The following NUBPL variants were observed in gnomAD, a reference collection of about 807,000 sequenced individuals.
The protein encoded by NUBPL is iron-sulfur cluster transfer protein NUBPL.
A neutral mutation model predicts 45.7 loss-of-function variants in NUBPL; 31 were observed. The ratio of observed to expected loss-of-function variants is 0.68; its 90% CI spans 0.51 to 0.92. The LOEUF (loss-of-function observed/expected upper bound fraction) is 0.92. Ranked by LOEUF, NUBPL falls within the 40% of genes least tolerant of loss-of-function variation. The pLI, the probability that NUBPL is intolerant of heterozygous loss-of-function variation, is 0.00. For missense variants in NUBPL, 401 were observed against 398.7 expected (o/e 1.01, Z -0.05); for synonymous variants, 144 against 140.9 (o/e 1.02, Z -0.15).
chr14:31,775,183 C>T (rs1247923210), intron 6 of NUBPL, among the ~76,000 whole-genome samples: 3 of 152,082 alleles, frequency 2.0e-5, no homozygotes, highest in Non-Finnish European at 4.4e-5. Context: ...TTTGGGAGGC[C>T]GAGGTGGGCG....
chr14:31,595,376 A>G (rs546728872), intron 3 of NUBPL, among the ~76,000 whole-genome samples: 1 of 152,242 alleles, frequency 6.6e-6, no homozygotes, highest in South Asian at 2.1e-4. Flanking sequence ...GGTGACATTA[A>G]AGATGACAAT....
chr14:31,721,430 T>G (rs1366588750), intron 6 of NUBPL, among the ~76,000 whole-genome samples: 4 of 152,198 alleles, frequency 2.6e-5, no homozygotes, highest in Admixed American at 2.6e-4. Context: ...TTGAGCTGGC[T>G]TAGTATATGG....
At chr14:31,625,409 T>C (rs2035178862) in intron 4 of NUBPL, among the ~76,000 whole-genome samples, 1 of 152,066 alleles carries the variant, frequency 6.6e-6, no homozygotes, top group South Asian at 2.1e-4. Context: ...TGAGTATCTC[T>C]AGCCTAGTAC....
intron 4 of NUBPL, among the ~76,000 whole-genome samples, chr14:31,653,673 G>A (rs910504889): frequency 1.3e-5 from 2 of 152,132 alleles, no homozygotes; most frequent in African/African-American, 2.4e-5. Context: ...GTACAATAGT[G>A]GTCCTGAGGT....
intron 6 of NUBPL, among the ~76,000 whole-genome samples, chr14:31,736,447 C>G (rs2038167531): frequency 6.6e-6 from 1 of 152,088 alleles, no homozygotes; most frequent in Non-Finnish European, 1.5e-5. Context: ...TTAGTTTTGC[C>G]TGCCCTTGAA....
At chr14:31,616,425 C>T (rs2139616111) in intron 4 of NUBPL, among the ~76,000 whole-genome samples, 1 of 152,120 alleles carries the variant, frequency 6.6e-6, no homozygotes, top group Admixed American at 6.5e-5. Flanking sequence ...AGTCTTTAAT[C>T]CATCTTGAGT....
intron 4 of NUBPL, among the ~76,000 whole-genome samples, chr14:31,640,232 C>T (rs2035646336): frequency 3.3e-5 from 5 of 152,082 alleles, no homozygotes; most frequent in Admixed American, 3.3e-4. Context: ...TCTTGGCTGC[C>T]CTCCGACAAA....
At chr14:31,786,089 T>C (rs1176557293) in intron 6 of NUBPL, among the ~76,000 whole-genome samples, 3 of 151,930 alleles carry the variant, frequency 2.0e-5, no homozygotes, top group Admixed American at 6.6e-5. Context: ...GCCCAGGAGG[T>C]TGAGGTTGTA....
At chr14:31,737,930 T>A (rs913632848) in intron 6 of NUBPL, among the ~76,000 whole-genome samples, 1 of 152,228 alleles carries the variant, frequency 6.6e-6, no homozygotes, top group African/African-American at 2.4e-5. Flanking sequence ...ATTTATTCTT[T>A]CTTTGGAAAT....
Position 31,669,797 on chromosome 14 carries a change from G to GTTTT in NUBPL, c.383-3550_383-3547dup, listed in dbSNP as rs1211411877. Among the ~76,000 whole-genome samples the GTTTT allele has an allele frequency of 3.0e-3, 204 of 68,626 alleles. 12 individuals carry two copies. The highest frequency in any genetic ancestry group is 3.7e-3 in the Non-Finnish European group (149 of 40,102). The allele number at this position is 68,626 out of a possible 152,430, so 45.0% of individuals were successfully genotyped here. ...TCTTCCTGCAAAAGACATGATCTTG[G>GTTTT]TTTTTTTTTTTGTTTTTTTTTTTTT... On this transcript the variant is annotated intron_variant, in intron 4 of 10. Coordinates refer to ENST00000281081, the MANE Select transcript of NUBPL (RefSeq NM_025152.3).
chr14:31,699,453 A>G (rs1173485751), intron 6 of NUBPL, among the ~76,000 whole-genome samples: 1 of 152,240 alleles, frequency 6.6e-6, no homozygotes. Flanking sequence ...ATGTACTATT[A>G]CTATTATTTT....
At chr14:31,761,215 G>T (rs1459090855) in intron 6 of NUBPL, among the ~76,000 whole-genome samples, 2 of 152,034 alleles carry the variant, frequency 1.3e-5, no homozygotes, top group African/African-American at 2.4e-5. Flanking sequence ...GTCTCACTCT[G>T]TTGCCCATTC....
At position 31,859,248 on chromosome 14, in the gene NUBPL, G is replaced by A. The variant is rs2040674433; in HGVS notation, c.*68G>A. 8.9e-7 allele frequency: 1 copy of A among 1,117,724 alleles called. No individual in the cohort carries two copies. The highest frequency in any genetic ancestry group is 1.4e-6 in the Non-Finnish European group (1 of 728,770). The allele number at this position is 1,117,724 out of a possible 1,614,324, so 69.2% of individuals were successfully genotyped here. ...AGGACCTTTGGAAATCAGCAATGTG[G>A]TGATGGAACCTACAGAAATAATAGA... On this transcript the variant is annotated 3_prime_UTR_variant, in exon 11 of 11. Transcript: ENST00000281081.
intron 6 of NUBPL, among the ~76,000 whole-genome samples, chr14:31,782,642 CATT>C (rs1566559249): frequency 6.6e-6 from 1 of 151,732 alleles, no homozygotes; most frequent in Non-Finnish European, 1.5e-5. Flanking sequence ...AATAGAAAAA[CATT>C]AGCCAATTGT....
At chr14:31,685,489 T>C (rs2036931603) in intron 6 of NUBPL, among the ~76,000 whole-genome samples, 1 of 151,106 alleles carries the variant, frequency 6.6e-6, no homozygotes, top group South Asian at 2.1e-4. Flanking sequence ...TAAGGAGGAG[T>C]GGTATATTAA....
intron 3 of NUBPL, 88 bp from the exon 4 acceptor site, chr14:31,599,201 C>G (rs780586513): frequency 4.2e-6 from 4 of 956,502 alleles, no homozygotes; most frequent in Non-Finnish European, 6.6e-6. Flanking sequence ...ATTACTGTTG[C>G]TATATGCTTC....
intron 6 of NUBPL, among the ~76,000 whole-genome samples, chr14:31,728,604 A>G (rs2037977990): frequency 6.6e-6 from 1 of 152,212 alleles, no homozygotes; most frequent in Non-Finnish European, 1.5e-5. Flanking sequence ...AGTAATATCA[A>G]TTTAGAAGGG....
At chr14:31,708,910 A>G (rs1282370328) in intron 6 of NUBPL, among the ~76,000 whole-genome samples, 1 of 152,118 alleles carries the variant, frequency 6.6e-6, no homozygotes, top group Non-Finnish European at 1.5e-5. Flanking sequence ...TCATTGGACA[A>G]TCTTTTTTAA....
intron 4 of NUBPL, among the ~76,000 whole-genome samples, chr14:31,615,528 A>G (rs1444532397): frequency 6.6e-6 from 1 of 151,964 alleles, no homozygotes; most frequent in African/African-American, 2.4e-5. Flanking sequence ...ACTCCCACTT[A>G]TGAGTGAGAA....
Sources: allele counts gnomAD v4.1 joint callset (sites outside exome capture counted in the v4.1 genomes callset), GRCh38; gene constraint gnomAD v4.1.1; transcripts MANE v1.5; gene names NCBI Gene and HGNC (gene_info 2026-07-23, HGNC 2026-07-21).